The following SEMA3A variants were observed in gnomAD, a reference collection of about 807,000 sequenced individuals.
SEMA3A encodes semaphorin 3A.
SEMA3A carries 29 observed loss-of-function variants against 97.9 expected under a neutral mutation model. That is an observed-to-expected ratio of 0.30 (90% CI 0.22 to 0.40). The LOEUF (loss-of-function observed/expected upper bound fraction) is 0.40, where lower values mean the gene tolerates loss of function less well. SEMA3A is among the 10% of genes least tolerant of loss of function. The pLI, the probability that SEMA3A is intolerant of heterozygous loss-of-function variation, is 1.00. For synonymous variants in SEMA3A, 321 were observed against 323.7 expected (o/e 0.99, Z 0.09); for missense variants, 763 against 951.3 (o/e 0.80, Z 2.60).
chr7:84,148,098 A>G (rs1796517768), intron 1 of SEMA3A, among the ~76,000 whole-genome samples: 1 of 151,616 alleles, frequency 6.6e-6, no homozygotes, highest in Admixed American at 6.6e-5. Flanking sequence ...TTTTTTTAGT[A>G]GCGACGGGGT....
At chr7:84,282,093 A>G (rs1410013268) in intron 3 of SEMA3A, among the ~76,000 whole-genome samples, 1 of 152,144 alleles carries the variant, frequency 6.6e-6, no homozygotes, top group African/African-American at 2.4e-5. Context: ...TTGCACTGAC[A>G]AAGATGATGT....
chr7:84,141,326 A>C (rs137872054), intron 1 of SEMA3A, among the ~76,000 whole-genome samples: 44 of 152,264 alleles, frequency 2.9e-4, no homozygotes, highest in African/African-American at 1.1e-3. Flanking sequence ...GCAGTCTATG[A>C]AACACAGCTC....
At chr7:84,487,189 GA>G (rs1189625481) in intron 1 of SEMA3A, among the ~76,000 whole-genome samples, 10 of 152,070 alleles carry the variant, frequency 6.6e-5, no homozygotes, top group African/African-American at 2.2e-4. Flanking sequence ...GGCTAGAAAT[GA>G]AAAAATATTA....
intron 4 of SEMA3A, among the ~76,000 whole-genome samples, chr7:84,066,154 A>T (rs1169954427): frequency 1.3e-5 from 2 of 151,900 alleles, no homozygotes; most frequent in African/African-American, 4.9e-5. Flanking sequence ...ATATAAACAG[A>T]GCCAAAGACA....
intron 1 of SEMA3A, among the ~76,000 whole-genome samples, chr7:84,374,169 C>T (rs973726874): frequency 1.5e-4 from 23 of 152,206 alleles, no homozygotes; most frequent in African/African-American, 5.1e-4. Flanking sequence ...TCAATGAGAA[C>T]AAAAGTTGGT....
intron 2 of SEMA3A, among the ~76,000 whole-genome samples, chr7:84,361,191 G>A (rs1416477332): frequency 6.6e-6 from 1 of 152,052 alleles, no homozygotes; most frequent in African/African-American, 2.4e-5. Context: ...CAATGGCTGA[G>A]TTTCACTGGA....
intron 2 of SEMA3A, among the ~76,000 whole-genome samples, chr7:84,330,537 A>T (rs1801885834): frequency 6.6e-6 from 1 of 152,060 alleles, no homozygotes; most frequent in East Asian, 1.9e-4. Context: ...GATGGTGAGG[A>T]CATAAAGTAG....
At chr7:84,017,714 C>G (rs62473925) in intron 6 of SEMA3A, among the ~76,000 whole-genome samples, 7 of 152,014 alleles carry the variant, frequency 4.6e-5, no homozygotes, top group Non-Finnish European at 1.0e-4. Context: ...TTCAGTCCCA[C>G]AAACGTTGCC....
intron 12 of SEMA3A, among the ~76,000 whole-genome samples, chr7:83,995,509 A>G (rs187000896): frequency 4.5e-4 from 69 of 152,316 alleles, no homozygotes; most frequent in Non-Finnish European, 8.4e-4. Flanking sequence ...ACAGTTTGGA[A>G]TAAGATGCAC....
At chr7:84,414,069 T>C (rs1356524557) in intron 1 of SEMA3A, among the ~76,000 whole-genome samples, 2 of 152,146 alleles carry the variant, frequency 1.3e-5, no homozygotes, top group East Asian at 3.9e-4. Flanking sequence ...TTATTAATCT[T>C]ATAATAATAT....
chr7:84,010,886 G>A, intron 9 of SEMA3A, 136 bp downstream of exon 9: 2 of 574,836 alleles, frequency 3.5e-6, no homozygotes, highest in South Asian at 5.8e-5. Context: ...ACTTCTTTCA[G>A]TCACCCAAGA....
At chr7:84,337,253 C>CA (rs759336260) in intron 2 of SEMA3A, among the ~76,000 whole-genome samples, 7 of 151,980 alleles carry the variant, frequency 4.6e-5, no homozygotes, top group Non-Finnish European at 8.8e-5. Context: ...AATAAATTCC[C>CA]AAAGACCTGG....
chr7:84,186,573 A>C (rs1797893805), intron 1 of SEMA3A, among the ~76,000 whole-genome samples: 1 of 152,156 alleles, frequency 6.6e-6, no homozygotes, highest in Admixed American at 6.6e-5. Flanking sequence ...CCTCAGGTGT[A>C]AACAACTTTG....
chr7:83,986,862 G>A (rs1789652792), intron 12 of SEMA3A, among the ~76,000 whole-genome samples: 1 of 151,612 alleles, frequency 6.6e-6, no homozygotes, highest in Non-Finnish European at 1.5e-5. Context: ...CTTATGGGGT[G>A]GTGATAAGAC....
At chr7:84,113,697 T>C (rs1388869925) in intron 3 of SEMA3A, among the ~76,000 whole-genome samples, 1 of 152,164 alleles carries the variant, frequency 6.6e-6, no homozygotes, top group African/African-American at 2.4e-5. Flanking sequence ...ACAGACAAGT[T>C]TAGCAACAAG....
intron 1 of SEMA3A, among the ~76,000 whole-genome samples, chr7:84,471,182 CT>C (rs1806136259): frequency 6.6e-6 from 1 of 151,976 alleles, no homozygotes; most frequent in African/African-American, 2.4e-5. Flanking sequence ...CTTTTCTGTC[CT>C]TGATCATAAG....
At chr7:84,156,268 T>C (rs1417073169) in intron 1 of SEMA3A, among the ~76,000 whole-genome samples, 4 of 152,142 alleles carry the variant, frequency 2.6e-5, no homozygotes, top group African/African-American at 7.2e-5. Flanking sequence ...TTTTTGCTTA[T>C]GGCTATGACA....
intron 2 of SEMA3A, among the ~76,000 whole-genome samples, chr7:84,362,287 A>G (rs1802744932): frequency 6.6e-6 from 1 of 152,044 alleles, no homozygotes; most frequent in Non-Finnish European, 1.5e-5. Flanking sequence ...TATTTATAAA[A>G]TAGCAAAAAT....
chr7:84,245,523 A>T (rs1255460957), intron 3 of SEMA3A, among the ~76,000 whole-genome samples: 1 of 151,712 alleles, frequency 6.6e-6, no homozygotes, highest in Non-Finnish European at 1.5e-5. Flanking sequence ...GCTTCCTTGC[A>T]TTGGGTTAGA....
Sources: allele counts gnomAD v4.1 joint callset (sites outside exome capture counted in the v4.1 genomes callset), GRCh38; gene constraint gnomAD v4.1.1; transcripts MANE v1.5; gene names NCBI Gene and HGNC (gene_info 2026-07-23, HGNC 2026-07-21).